Variants in DZIP3 observed in about 807,000 individuals in gnomAD.
DZIP3 encodes DAZ interacting zinc finger protein 3.
In DZIP3, 118 loss-of-function variants were observed where a neutral mutation model predicts 162.0. That is an observed-to-expected ratio of 0.73 (90% CI 0.63 to 0.85). The LOEUF (loss-of-function observed/expected upper bound fraction) is 0.85. Ranked by LOEUF, DZIP3 falls within the 40% of genes least tolerant of loss-of-function variation. The probability of loss-of-function intolerance (pLI) is 0.00; values close to 1 mark genes in which losing one functional copy is unlikely to be tolerated. For missense variants in DZIP3, 1,331 were observed against 1,407.0 expected, an observed-to-expected ratio of 0.95 and a Z score of 0.86; for synonymous variants, 438 against 458.6, an observed-to-expected ratio of 0.96 and a Z score of 0.57.
chr3:108,623,327 C>T (rs77455254), intron 5 of DZIP3, among the ~76,000 whole-genome samples: 2,413 of 152,206 alleles, frequency 0.016, 75 homozygotes, highest in African/African-American at 0.052. Context: ...AGGCCCATGG[C>T]GAGTACTGCT....
At chr3:108,689,442 A>T (rs1347809796) in intron 31 of DZIP3, among the ~76,000 whole-genome samples, 1 of 152,130 alleles carries the variant, frequency 6.6e-6, no homozygotes, top group Non-Finnish European at 1.5e-5. Context: ...CCAGCACTTT[A>T]GGAGGCTGAG....
intron 22 of DZIP3, among the ~76,000 whole-genome samples, chr3:108,670,147 A>C (rs907299300): frequency 2.0e-5 from 3 of 151,878 alleles, no homozygotes; most frequent in Non-Finnish European, 4.4e-5. Flanking sequence ...ACCTTTTTGA[A>C]ATCCATTTCA....
chr3:108,640,350 T>A (rs1942335139), intron 12 of DZIP3, among the ~76,000 whole-genome samples: 1 of 151,554 alleles, frequency 6.6e-6, no homozygotes, highest in Non-Finnish European at 1.5e-5. Context: ...TAATTGTATA[T>A]CTAGAAACTC....
At chr3:108,619,324 GTTT>G (rs1293004099) in intron 5 of DZIP3, among the ~76,000 whole-genome samples, 15 of 149,126 alleles carry the variant, frequency 1.0e-4, no homozygotes, top group East Asian at 5.9e-4. Flanking sequence ...GTGTGTGTGT[GTTT>G]TGTTTTATAT....
intron 23 of DZIP3, among the ~76,000 whole-genome samples, chr3:108,673,233 T>C (rs1943988796): frequency 6.6e-6 from 1 of 151,918 alleles, no homozygotes; most frequent in Non-Finnish European, 1.5e-5. Context: ...TTAAAAGCAC[T>C]ACAAACCTTA....
chr3:108,684,632 A>G (rs528197209), intron 27 of DZIP3, among the ~76,000 whole-genome samples: 1 of 152,318 alleles, frequency 6.6e-6, no homozygotes, highest in African/African-American at 2.4e-5. Context: ...GTAAATTGAC[A>G]TTTTTAATAG....
chr3:108,617,811 G>A (rs1438213862), intron 5 of DZIP3, among the ~76,000 whole-genome samples: 2 of 152,202 alleles, frequency 1.3e-5, no homozygotes, highest in Non-Finnish European at 2.9e-5. Flanking sequence ...TTCTCCCACT[G>A]ACCAGATTGC....
intron 18 of DZIP3, among the ~76,000 whole-genome samples, chr3:108,653,305 A>G (rs1276489076): frequency 6.6e-6 from 1 of 151,548 alleles, no homozygotes; most frequent in African/African-American, 2.4e-5. Context: ...AAAAGTAATA[A>G]TGTATCTTAG....
At position 108,636,691 on chromosome 3, in the gene DZIP3, G is replaced by A. The variant is rs752822415; in HGVS notation, c.994G>A (p.Gly332Arg). 1 of 1,576,634 alleles carries A rather than the reference G, an allele frequency of 6.3e-7. No homozygotes were observed. The highest frequency in any genetic ancestry group is 2.3e-5 in the East Asian group (1 of 42,984). ...MVRMLQCDVP[G>R]IVKILFEVVR... is the part of the protein sequence containing the mutation. ...AAGGATGCTGCAATGTGATGTACCT[G>A]GAATTGTTAAAATTTTGGTGAGTAT... The change falls in exon 11 of 33, where the codon GGA becomes AGA. Residue 332 changes from glycine to arginine, a missense_variant. Transcript: ENST00000361582.
chr3:108,692,044 T>C (rs571001118), intron 32 of DZIP3, among the ~76,000 whole-genome samples: 1 of 152,286 alleles, frequency 6.6e-6, no homozygotes, highest in South Asian at 2.1e-4. Context: ...TCTTTTCTCT[T>C]ACTAATGTCT....
chr3:108,609,884 C>T (rs943215481), intron 3 of DZIP3, among the ~76,000 whole-genome samples: 1 of 152,118 alleles, frequency 6.6e-6, no homozygotes, highest in Non-Finnish European at 1.5e-5. Flanking sequence ...TTTATTCATG[C>T]TATAATCTTG....
Position 108,688,903 on chromosome 3 carries a change from C to G in DZIP3, c.3495C>G (p.Cys1165Trp). The G allele has an allele frequency of 6.2e-7, 1 of 1,614,072 alleles. No individual in the cohort carries two copies. Among genetic ancestry groups the G allele is most frequent in the Non-Finnish European group, 8.5e-7 (1 of 1,180,004 alleles). The change falls in exon 31 of 33, where the codon TGC (cysteine) becomes TGG (tryptophan). Residue 1165 changes from cysteine (C) to tryptophan (W), a missense_variant. Around this residue, in one of 2 missense-constraint regions of DZIP3, gnomAD observed 53 missense variants for 89.9 expected, o/e 0.59. Coordinates refer to ENST00000361582, the MANE Select transcript of DZIP3 (RefSeq NM_014648.4). Reference protein sequence around the residue: ...LSPENLSVLPCAHKFHAQCIR... With the variant: ...LSPENLSVLPWAHKFHAQCIR... ...CAGAAAATCTTTCAGTTTTGCCTTG[C>G]GCTCACAAATTCCATGCTCAGGTAA...
rs140457525 is a variant in DZIP3 at position 108,628,701 on chromosome 3, T to C, written c.582-361T>C. ...TGAGAGTCTCTTTCAATTGCCCCCA[T>C]AGAGGCCTTCTGGCTTTCACAGTGT... On this transcript the variant is annotated intron_variant, in intron 7 of 32. Coordinates refer to ENST00000361582, the MANE Select transcript of DZIP3 (RefSeq NM_014648.4). 2.4e-4 allele frequency among the ~76,000 whole-genome samples: 37 copies of C among 152,324 alleles called. 2 individuals are homozygous for C. The East Asian group carries it at 6.6e-3, about 27-fold the overall frequency.
chr3:108,650,080 A>G (rs1248623118), intron 17 of DZIP3, among the ~76,000 whole-genome samples: 1 of 151,820 alleles, frequency 6.6e-6, no homozygotes, highest in African/African-American at 2.4e-5. Context: ...CTAAGTTGCA[A>G]AGGCATATAG....
chr3:108,624,488 A>G lies in DZIP3; in HGVS notation c.420A>G (p.Leu140=), dbSNP rs774189036. 4 of 1,598,542 alleles carry G rather than the reference A, an allele frequency of 2.5e-6. No homozygotes were observed. The highest frequency in any genetic ancestry group is 3.4e-6 in the Non-Finnish European group (4 of 1,169,660). Residue 140 remains leucine (L), a synonymous_variant, in exon 6 of 33, where the codon TTA becomes TTG. Transcript: ENST00000361582. ...NIGYYLTLLF[L]YGVALTERGK... ...GTTATTATTTGACATTACTGTTTTT[A>G]TATGGAGTAGCACTCACTGAAAGAG...
intron 17 of DZIP3, among the ~76,000 whole-genome samples, chr3:108,649,535 C>G (rs1439515424): frequency 2.0e-5 from 3 of 151,680 alleles, no homozygotes; most frequent in Non-Finnish European, 3.0e-5. Flanking sequence ...AGCCACATGT[C>G]TTTTTTTAAT....
intron 18 of DZIP3, among the ~76,000 whole-genome samples, chr3:108,651,784 G>C (rs777397006): frequency 1.3e-5 from 2 of 151,752 alleles, no homozygotes; most frequent in Non-Finnish European, 3.0e-5. Context: ...GATGAAGGAA[G>C]GGGTGGAGAC....
chr3:108,672,696 A>G (rs778129177), intron 23 of DZIP3, 40 bp downstream of exon 23: 1 of 1,495,476 alleles, frequency 6.7e-7, no homozygotes, highest in Non-Finnish European at 9.3e-7. Flanking sequence ...GGTGAGGGGA[A>G]AAGTTTTACT....
chr3:108,626,086 T>A (rs1371685528), intron 7 of DZIP3, 117 bp downstream of exon 7: 1 of 1,191,670 alleles, frequency 8.4e-7, no homozygotes, highest in Non-Finnish European at 1.1e-6. Context: ...GTTTTATCCT[T>A]TTCTTCTTTG....
Sources: gnomAD v4.1 joint callset for allele counts (sites outside exome capture counted in the v4.1 genomes callset) on GRCh38, gnomAD v4.1.1 for gene constraint, gnomAD v4.1.1 regional missense constraint, MANE v1.5 for transcripts, NCBI Gene and HGNC (gene_info 2026-07-23, HGNC 2026-07-21) for gene names.